The following OXR1 variants were observed in gnomAD, a reference collection of about 807,000 sequenced individuals.
OXR1 encodes the protein oxidation resistance 1.
In OXR1, 41 loss-of-function variants were observed where a neutral mutation model predicts 104.6. The ratio of observed to expected loss-of-function variants is 0.39; its 90% CI spans 0.31 to 0.51. The LOEUF (loss-of-function observed/expected upper bound fraction) is 0.51. Among genes scored for constraint, OXR1 ranks in the 20% least tolerant of loss-of-function variants. The pLI, the probability that OXR1 is intolerant of heterozygous loss-of-function variation, is 0.77. For synonymous variants in OXR1, 348 were observed against 348.4 expected, an observed-to-expected ratio of 1.00 and a Z score of 0.01; for missense variants, 955 against 1,031.9, an observed-to-expected ratio of 0.93 and a Z score of 1.02.
chr8:106,357,176 A>G (rs1423861781), intron 1 of OXR1, among the ~76,000 whole-genome samples: 2 of 151,944 alleles, frequency 1.3e-5, no homozygotes, highest in Non-Finnish European at 2.9e-5. Context: ...ATTGCATCAG[A>G]CAATATTCCA....
intron 2 of OXR1, among the ~76,000 whole-genome samples, chr8:106,429,119 C>T (rs961783568): frequency 2.0e-5 from 3 of 152,102 alleles, no homozygotes; most frequent in African/African-American, 7.2e-5. Flanking sequence ...TTGTCCTGGG[C>T]TCGCGTTCTG....
chr8:106,548,300 A>C (rs1408837578), intron 3 of OXR1, among the ~76,000 whole-genome samples: 1 of 152,164 alleles, frequency 6.6e-6, no homozygotes, highest in African/African-American at 2.4e-5. Flanking sequence ...TCTAGGTTAA[A>C]CGACTACTTA....
chr8:106,475,523 T>C (rs1215750887), intron 2 of OXR1, among the ~76,000 whole-genome samples: 1 of 151,846 alleles, frequency 6.6e-6, no homozygotes, highest in East Asian at 1.9e-4. Flanking sequence ...TTGGTATAAC[T>C]TTCTGGAAAT....
Position 106,706,482 on chromosome 8 carries a change from G to T in OXR1, c.961G>T (p.Asp321Tyr). The stretch of plus-strand genomic sequence containing the variant: ...CTCAAGAATCCGAGATGCAGGTAAT[G>T]ATAGTGCCAGCACTGCTCCTAGGAG... ...IDSRIRDAGN[D>Y]SASTAPRSTE... The change falls in exon 9 of 17, where the codon GAT becomes TAT. Residue 321 changes from aspartate to tyrosine, a missense_variant. Transcript: ENST00000517566. 3 of 1,597,004 alleles carry T rather than the reference G, an allele frequency of 1.9e-6. No individual in the cohort carries two copies. Among genetic ancestry groups the T allele is most frequent in the Non-Finnish European group, 2.6e-6 (3 of 1,175,804 alleles).
At chr8:106,715,280 A>G (rs1480109498) in intron 11 of OXR1, among the ~76,000 whole-genome samples, 3 of 151,774 alleles carry the variant, frequency 2.0e-5, no homozygotes, top group African/African-American at 4.8e-5. Flanking sequence ...CCATCACACT[A>G]CTTGATACTG....
chr8:106,274,528 A>G (rs950244098), intron 1 of OXR1, among the ~76,000 whole-genome samples: 6 of 151,248 alleles, frequency 4.0e-5, no homozygotes, highest in Non-Finnish European at 8.8e-5. Flanking sequence ...CTTACCTATT[A>G]CTGTCCCTCA....
At chr8:106,637,869 C>T (rs1011184373) in intron 3 of OXR1, among the ~76,000 whole-genome samples, 15 of 150,778 alleles carry the variant, frequency 9.9e-5, no homozygotes, top group African/African-American at 3.4e-4. Flanking sequence ...TCACGCCATT[C>T]TCCTGCCTCA....
chr8:106,570,423 C>A (rs1020374319), intron 3 of OXR1, among the ~76,000 whole-genome samples: 1 of 151,938 alleles, frequency 6.6e-6, no homozygotes, highest in African/African-American at 2.4e-5. Flanking sequence ...CCAACATGAA[C>A]GATTAGGAAG....
chr8:106,738,545 C>G (rs1834609912), intron 12 of OXR1, among the ~76,000 whole-genome samples: 1 of 151,934 alleles, frequency 6.6e-6, no homozygotes, highest in South Asian at 2.1e-4. Flanking sequence ...TTTTAGTTAT[C>G]TGCTCCAATA....
chr8:106,472,333 T>G (rs1281600614), intron 2 of OXR1, among the ~76,000 whole-genome samples: 2 of 151,780 alleles, frequency 1.3e-5, no homozygotes, highest in Non-Finnish European at 2.9e-5. Flanking sequence ...AGTTTAAATC[T>G]ACTGAGGATT....
intron 8 of OXR1, among the ~76,000 whole-genome samples, chr8:106,703,293 G>A (rs1488246803): frequency 1.3e-5 from 2 of 152,174 alleles, no homozygotes; most frequent in African/African-American, 4.8e-5. Flanking sequence ...TTGTATTTGT[G>A]TATGTGGTCA....
At chr8:106,371,167 A>G (rs1344572926) in intron 2 of OXR1, among the ~76,000 whole-genome samples, 2 of 151,964 alleles carry the variant, frequency 1.3e-5, no homozygotes, top group African/African-American at 2.4e-5. Flanking sequence ...CATTTCTTCT[A>G]GATTTTCTAG....
At chr8:106,506,762 A>T (rs1812192794) in intron 2 of OXR1, among the ~76,000 whole-genome samples, 1 of 152,174 alleles carries the variant, frequency 6.6e-6, no homozygotes, top group South Asian at 2.1e-4. Context: ...TAGGGATTGA[A>T]TCAAAATTAC....
intron 2 of OXR1, among the ~76,000 whole-genome samples, chr8:106,446,372 C>T (rs142825315): frequency 6.6e-6 from 1 of 152,304 alleles, no homozygotes; most frequent in African/African-American, 2.4e-5. Flanking sequence ...GTAATCCCAG[C>T]ACTTTGGGAG....
intron 10 of OXR1, among the ~76,000 whole-genome samples, chr8:106,711,556 G>A (rs1587194734): frequency 6.6e-6 from 1 of 152,076 alleles, no homozygotes; most frequent in Non-Finnish European, 1.5e-5. Context: ...TATTGAAATT[G>A]CATTTATTTT....
intron 2 of OXR1, among the ~76,000 whole-genome samples, chr8:106,483,507 A>C (rs1372455592): frequency 2.0e-5 from 3 of 152,142 alleles, no homozygotes; most frequent in Non-Finnish European, 4.4e-5. Context: ...GGCAAGCCTG[A>C]GTGAGACCTC....
chr8:106,657,969 G>A, intron 3 of OXR1: 1 of 1,248,394 alleles, frequency 8.0e-7, no homozygotes, highest in Non-Finnish European at 1.0e-6. Flanking sequence ...CCAGTTCCGC[G>A]TCCAGCCCCG....
chr8:106,306,850 T>A (rs1813483693), intron 1 of OXR1, among the ~76,000 whole-genome samples: 1 of 152,228 alleles, frequency 6.6e-6, no homozygotes, highest in South Asian at 2.1e-4. Context: ...ACTTGGTAAC[T>A]GTGCATTTTG....
intron 3 of OXR1, among the ~76,000 whole-genome samples, chr8:106,588,111 C>T (rs1818790122): frequency 6.6e-6 from 1 of 151,874 alleles, no homozygotes; most frequent in Admixed American, 6.6e-5. Flanking sequence ...GCCACCACGC[C>T]CGGCTAATTA....
Sources: allele counts gnomAD v4.1 joint callset (sites outside exome capture counted in the v4.1 genomes callset), GRCh38; gene constraint gnomAD v4.1.1; transcripts MANE v1.5; gene names NCBI Gene and HGNC (gene_info 2026-07-23, HGNC 2026-07-21).